GUCY1A1: variants seen among roughly 807,000 people sequenced by gnomAD.
GUCY1A1 encodes guanylate cyclase 1 soluble subunit alpha 1.
In GUCY1A1, 48 loss-of-function variants were observed where a neutral mutation model predicts 64.5. The observed-to-expected ratio is 0.74, with a 90% CI of 0.59 to 0.95. The LOEUF (loss-of-function observed/expected upper bound fraction) is 0.95, where lower values mean the gene tolerates loss of function less well. Among genes scored for constraint, GUCY1A1 ranks in the 40% least tolerant of loss-of-function variants. GUCY1A1 has a pLI of 0.00. For missense variants in GUCY1A1, 804 were observed against 825.3 expected, an observed-to-expected ratio of 0.97 and a Z score of 0.32; for synonymous variants, 308 against 303.4, an observed-to-expected ratio of 1.02 and a Z score of -0.16.
chr4:155,734,687 C>G lies in GUCY1A1; in HGVS notation c.*4456C>G, dbSNP rs952401539. The G allele has an allele frequency of 6.6e-6, 1 of 151,992 alleles. No homozygotes were observed. The highest frequency in any genetic ancestry group is 2.1e-4 in the South Asian group (1 of 4,808). 9.4% of individuals were successfully genotyped at this position (151,992 alleles called of 1,614,324 possible). On this transcript the variant is annotated 3_prime_UTR_variant, in exon 10 of 10. Transcript: ENST00000506455. ...GCGATTCCTGTGAGGAGGGACTTAC[C>G]GTCTCCTCCAAAACAGAAATTCAGT...
At chr4:155,679,815 G>A (rs1300589280) in intron 2 of GUCY1A1, among the ~76,000 whole-genome samples, 2 of 152,094 alleles carry the variant, frequency 1.3e-5, no homozygotes, top group Admixed American at 6.5e-5. Flanking sequence ...TTGTTCCAAT[G>A]GCATTTTTAT....
intron 6 of GUCY1A1, among the ~76,000 whole-genome samples, chr4:155,712,169 C>T (rs1474187009): frequency 6.6e-6 from 1 of 152,094 alleles, no homozygotes; most frequent in East Asian, 1.9e-4. Context: ...CTTGCTCTGT[C>T]GCCCAGGCTG....
At chr4:155,694,474 A>T (rs1730168872) in intron 2 of GUCY1A1, among the ~76,000 whole-genome samples, 1 of 152,202 alleles carries the variant, frequency 6.6e-6, no homozygotes, top group African/African-American at 2.4e-5. Flanking sequence ...ACTAGAGGAG[A>T]TGAGGAAATA....
chr4:155,668,635 G>T (rs1471667), intron 2 of GUCY1A1, among the ~76,000 whole-genome samples: 151,699 of 152,322 alleles, frequency 1, 75,542 homozygotes, highest in Middle Eastern at 1. Context: ...TCTTGGTTCA[G>T]AGTGTAGAAG....
chr4:155,688,941 C>A (rs189210111), intron 2 of GUCY1A1, among the ~76,000 whole-genome samples: 137 of 151,864 alleles, frequency 9.0e-4, no homozygotes, highest in Non-Finnish European at 1.7e-3. Context: ...TATAAGACAG[C>A]CTTGAGTCTG....
intron 2 of GUCY1A1, among the ~76,000 whole-genome samples, chr4:155,690,522 T>G (rs2126688209): frequency 6.6e-6 from 1 of 152,294 alleles, no homozygotes; most frequent in South Asian, 2.1e-4. Flanking sequence ...TTTAATGCGG[T>G]TTGTAGAACT....
intron 7 of GUCY1A1, among the ~76,000 whole-genome samples, chr4:155,714,295 C>T (rs1018284185): frequency 6.6e-6 from 1 of 152,160 alleles, no homozygotes; most frequent in Non-Finnish European, 1.5e-5. Context: ...ATGAATAACA[C>T]ACATTATCTC....
Position 155,735,301 on chromosome 4 carries a change from A to T in GUCY1A1, c.*5070A>T, listed in dbSNP as rs1403111635. ...AAAGTTTTATCAATGTGTAGATTTC[A>T]ATCAGAAAAACCTAAGCAAAAGGAA... On this transcript the variant is annotated 3_prime_UTR_variant, in exon 10 of 10. Transcript: ENST00000506455. 33 of 151,590 alleles carry T rather than the reference A, an allele frequency of 2.2e-4. No homozygotes were observed. The highest frequency in any genetic ancestry group is 2.2e-3 in the Admixed American group (33 of 15,208). 9.4% of individuals were successfully genotyped at this position (151,590 alleles called of 1,614,324 possible). A position where few individuals can be genotyped will look rare whatever the true frequency, so the allele number is the denominator to read the frequency against.
At chr4:155,680,778 C>T (rs1173292633) in intron 2 of GUCY1A1, among the ~76,000 whole-genome samples, 1 of 152,030 alleles carries the variant, frequency 6.6e-6, no homozygotes, top group East Asian at 1.9e-4. Flanking sequence ...AATCTTCACC[C>T]TCGTTGTCTT....
At chr4:155,711,421 A>G in intron 6 of GUCY1A1, 170 bp downstream of exon 6, 4 of 466,958 alleles carry the variant, frequency 8.6e-6, no homozygotes, top group Non-Finnish European at 1.5e-5. Flanking sequence ...TTCTTTCTGC[A>G]TTTGTTTGCT....
intron 2 of GUCY1A1, among the ~76,000 whole-genome samples, chr4:155,670,667 CTG>C (rs1734022176): frequency 2.0e-5 from 3 of 152,188 alleles, no homozygotes; most frequent in African/African-American, 7.2e-5. Context: ...TTGAGGGACT[CTG>C]GAGCAGGCTC....
chr4:155,680,983 G>A (rs971001239), intron 2 of GUCY1A1, among the ~76,000 whole-genome samples: 4 of 151,056 alleles, frequency 2.6e-5, no homozygotes, highest in Middle Eastern at 3.2e-3. Flanking sequence ...ACACACACAC[G>A]TGCACATAAA....
chr4:155,725,369 T>C (rs1411473011), intron 9 of GUCY1A1, among the ~76,000 whole-genome samples: 1 of 152,072 alleles, frequency 6.6e-6, no homozygotes, highest in African/African-American at 2.4e-5. Context: ...CTACTGGGTA[T>C]AATAGGTAGG....
At chr4:155,711,995 T>C (rs976103815) in intron 6 of GUCY1A1, among the ~76,000 whole-genome samples, 2 of 152,234 alleles carry the variant, frequency 1.3e-5, no homozygotes, top group African/African-American at 4.8e-5. Context: ...CATTTTTTGT[T>C]TAAAACAAAA....
chr4:155,696,673 T>G, intron 2 of GUCY1A1, 83 bp from the exon 3 acceptor site: 1 of 496,008 alleles, frequency 2.0e-6, no homozygotes, highest in Non-Finnish European at 3.6e-6. Flanking sequence ...ACATGACTAT[T>G]GCTTTTGCTC....
At chr4:155,728,107 G>T (rs1734988601) in intron 9 of GUCY1A1, among the ~76,000 whole-genome samples, 1 of 151,866 alleles carries the variant, frequency 6.6e-6, no homozygotes, top group Non-Finnish European at 1.5e-5. Flanking sequence ...TTTAAGACTT[G>T]CCTTGAATCC....
intron 4 of GUCY1A1, among the ~76,000 whole-genome samples, chr4:155,705,597 G>A (rs1184911598): frequency 6.6e-6 from 1 of 151,592 alleles, no homozygotes; most frequent in East Asian, 1.9e-4. Flanking sequence ...AAATTTCAAG[G>A]TTTATTTGGT....
chr4:155,690,466 T>A (rs985572622), intron 2 of GUCY1A1, among the ~76,000 whole-genome samples: 2 of 152,220 alleles, frequency 1.3e-5, no homozygotes, highest in Non-Finnish European at 2.9e-5. Context: ...ACTCTCTTGC[T>A]TATTAGTTAT....
intron 1 of GUCY1A1, 167 bp downstream of exon 1, chr4:155,667,132 C>T (rs1387294205): frequency 6.6e-6 from 1 of 152,448 alleles, no homozygotes; most frequent in African/African-American, 2.4e-5. Context: ...GCAAGGAGGA[C>T]TGTCTGGGAG....
Sources: allele counts gnomAD v4.1 joint callset (sites outside exome capture counted in the v4.1 genomes callset), GRCh38; gene constraint gnomAD v4.1.1; transcripts MANE v1.5; gene names NCBI Gene and HGNC (gene_info 2026-07-23, HGNC 2026-07-21).